HPR: variants seen among roughly 807,000 people sequenced by gnomAD.
The protein encoded by HPR is haptoglobin-related protein.
In HPR, 17 loss-of-function variants were observed where a neutral mutation model predicts 18.5. The ratio of observed to expected loss-of-function variants is 0.92; its 90% CI spans 0.63 to 1.38. The LOEUF (loss-of-function observed/expected upper bound fraction) is 1.38, where lower values mean the gene tolerates loss of function less well. HPR is among the 40% of genes most tolerant of loss of function. The probability of loss-of-function intolerance (pLI) is 0.00; values close to 1 mark genes in which losing one functional copy is unlikely to be tolerated. For missense variants in HPR, 457 were observed against 432.4 expected, an observed-to-expected ratio of 1.06 and a Z score of -0.51; for synonymous variants, 176 against 165.0, an observed-to-expected ratio of 1.07 and a Z score of -0.51.
chr16:72,076,298 G>C lies in HPR; in HGVS notation c.269-5G>C, dbSNP rs1188827070. On this transcript the variant is annotated splice_region_variant and splice_polypyrimidine_tract_variant and intron_variant, in intron 4 of 4. Transcript: ENST00000540303. ...CACTCACGAGTGTCTTGCTCTCCTT[G>C]ACAGTATGTGGGAAGCCCAAGAATC... 9.3e-6 allele frequency: 15 copies of C among 1,612,406 alleles called. No homozygotes were observed. The highest frequency in any genetic ancestry group is 1.3e-5 in the African/African-American group (1 of 75,022).
In HPR at chr16:72,077,063, G is replaced by C; in HGVS notation, c.1029G>C (p.Lys343Asn). The C allele has an allele frequency of 6.2e-7, 1 of 1,612,268 alleles. No homozygotes were observed. The highest frequency in any genetic ancestry group is 2.2e-5 in the East Asian group (1 of 44,814). ...CTTCCATCCAGCACTGGGTTCAGAA[G>C]ACCATAGCTGAGAACTAATGCAAGG... ...KVTSIQHWVQ[K>N]TIAEN The change falls in exon 5 of 5, where the codon AAG becomes AAC. Residue 343 changes from lysine (K) to asparagine (N), a missense_variant. Coordinates refer to ENST00000540303, the MANE Select transcript of HPR (RefSeq NM_020995.4).
chr16:72,063,576 T>C lies in HPR; in HGVS notation c.5+316T>C, dbSNP rs185094388. ...TTCGGAATATATTTACTAGCAGATA[T>C]TTTCCTCTTTAAAAATGTATAATAA... On this transcript the variant is annotated intron_variant, in intron 1 of 4. Transcript: ENST00000540303. Among the ~76,000 whole-genome samples the C allele has an allele frequency of 3.3e-3, 500 of 152,252 alleles. 2 individuals carry two copies. Among genetic ancestry groups the C allele is most frequent in the Non-Finnish European group, 6.0e-3 (410 of 68,034 alleles).
At chr16:72,075,585 G>A (rs187851439) in intron 4 of HPR, among the ~76,000 whole-genome samples, 2 of 152,328 alleles carry the variant, frequency 1.3e-5, no homozygotes, top group East Asian at 3.9e-4. Context: ...AGCCTAGCAG[G>A]AGGCTGGACA....
chr16:72,074,447 T>C, intron 3 of HPR, 62 bp downstream of exon 3: 1 of 1,367,116 alleles, frequency 7.3e-7, no homozygotes, highest in Non-Finnish European at 1.0e-6. Flanking sequence ...ATTTCCATGA[T>C]GGGTGGTGCT....
At chr16:72,067,512 G>A (rs1283277515) in intron 1 of HPR, among the ~76,000 whole-genome samples, 1 of 152,138 alleles carries the variant, frequency 6.6e-6, no homozygotes, top group Admixed American at 6.6e-5. Context: ...TCAGCCCAAA[G>A]GGATTCCTTA....
chr16:72,075,988 A>G (rs987196626), intron 4 of HPR, among the ~76,000 whole-genome samples: 8 of 152,026 alleles, frequency 5.3e-5, no homozygotes, highest in South Asian at 2.1e-4. Flanking sequence ...AGCCCTTTCA[A>G]TGAATTTCAG....
chr16:72,074,517 A>G, intron 3 of HPR, 132 bp downstream of exon 3: 4 of 865,198 alleles, frequency 4.6e-6, no homozygotes. Context: ...AGATTCTGAT[A>G]AGCGTTTTGT....
At chr16:72,072,197 A>T (rs1026717551) in intron 1 of HPR, among the ~76,000 whole-genome samples, 1 of 152,038 alleles carries the variant, frequency 6.6e-6, no homozygotes, top group African/African-American at 2.4e-5. Context: ...TAGTAGAGAC[A>T]GGGTTTCTCC....
At chr16:72,072,537 G>C (rs2041668576) in intron 1 of HPR, among the ~76,000 whole-genome samples, 1 of 152,124 alleles carries the variant, frequency 6.6e-6, no homozygotes, top group Admixed American at 6.5e-5. Context: ...TATCAAATGA[G>C]CTAGCCAAAA....
At chr16:72,066,676 G>A (rs2041601608) in intron 1 of HPR, among the ~76,000 whole-genome samples, 1 of 152,102 alleles carries the variant, frequency 6.6e-6, no homozygotes, top group Non-Finnish European at 1.5e-5. Flanking sequence ...AGATCCCCTT[G>A]GGCAAAGGAT....
At chr16:72,064,069 G>T (rs1408407656) in intron 1 of HPR, among the ~76,000 whole-genome samples, 2 of 152,130 alleles carry the variant, frequency 1.3e-5, no homozygotes, top group South Asian at 2.1e-4. Context: ...AGCAAATAGT[G>T]CCTGAATGGT....
At chr16:72,075,295 A>G (rs543322572) in intron 4 of HPR, 76 bp downstream of exon 4, 1 of 739,226 alleles carries the variant, frequency 1.4e-6, no homozygotes. Flanking sequence ...ACAGCCTTCC[A>G]GTGCGGCTTC....
At chr16:72,064,094 G>A (rs1287759129) in intron 1 of HPR, among the ~76,000 whole-genome samples, 9 of 152,102 alleles carry the variant, frequency 5.9e-5, no homozygotes, top group Non-Finnish European at 2.9e-5. Context: ...GTCTGTTAGC[G>A]AGATGGTGAA....
At position 72,063,266 on chromosome 16, in the gene HPR, T is replaced by G; in HGVS notation, c.5+6T>G. 1 of 1,591,500 alleles carries G rather than the reference T, an allele frequency of 6.3e-7. No homozygotes were observed. Among genetic ancestry groups the G allele is most frequent in the Non-Finnish European group, 8.6e-7 (1 of 1,167,142 alleles). ...GCAAGACCAACCAAGATGAGGTGGGTCCACAGCTTTCCCTCCTGCCTTTCC... is the reference window on the plus strand; with the variant it reads ...GCAAGACCAACCAAGATGAGGTGGGGCCACAGCTTTCCCTCCTGCCTTTCC... On this transcript the variant is annotated splice_donor_region_variant and intron_variant, in intron 1 of 4. Coordinates refer to ENST00000540303, the MANE Select transcript of HPR (RefSeq NM_020995.4).
At chr16:72,069,771 A>C (rs1461360095) in intron 1 of HPR, among the ~76,000 whole-genome samples, 3 of 152,224 alleles carry the variant, frequency 2.0e-5, no homozygotes, top group Non-Finnish European at 2.9e-5. Context: ...ATTCAGGGCT[A>C]AGACCATTTC....
chr16:72,076,766 T>C lies in HPR; in HGVS notation c.732T>C (p.Pro244=). 6.2e-7 allele frequency: 1 copy of C among 1,614,226 alleles called. No individual in the cohort carries two copies. Among genetic ancestry groups the C allele is most frequent in the South Asian group, 1.1e-5 (1 of 91,082 alleles). The part of the protein sequence containing the change: ...LTDHLKYVML[P]VADQYDCITH... ...ACCATCTGAAGTATGTCATGCTGCC[T>C]GTGGCTGACCAATACGATTGCATAA... The change falls in exon 5 of 5, where the codon CCT becomes CCC. Residue 244 remains proline, a synonymous_variant. Transcript: ENST00000540303.
chr16:72,068,541 T>C (rs543905224), intron 1 of HPR, among the ~76,000 whole-genome samples: 2 of 152,178 alleles, frequency 1.3e-5, no homozygotes, highest in African/African-American at 2.4e-5. Flanking sequence ...TTATAACTGC[T>C]CTTGCCCTAG....
rs2041740991 is a variant in HPR, at chr16:72,077,040, T to C, written c.1006T>C (p.Ser336Pro). The C allele has an allele frequency of 6.2e-7, 1 of 1,613,756 alleles. No individual in the cohort carries two copies. The highest frequency in any genetic ancestry group is 1.7e-5 in the Admixed American group (1 of 59,992). The change falls in exon 5 of 5, where the codon TCC becomes CCC. Residue 336 changes from serine to proline, a missense_variant. By Grantham distance (74) the Ser-to-Pro change is moderately conservative (BLOSUM62 -1). Coordinates refer to ENST00000540303, the MANE Select transcript of HPR (RefSeq NM_020995.4). ...GTATGGTGTGTATGTGAAGGTGACT[T>C]CCATCCAGCACTGGGTTCAGAAGAC... ...AEYGVYVKVTSIQHWVQKTIA... is the reference protein window; with the variant it reads ...AEYGVYVKVTPIQHWVQKTIA...
At chr16:72,067,280 C>G (rs1319706619) in intron 1 of HPR, among the ~76,000 whole-genome samples, 1 of 152,148 alleles carries the variant, frequency 6.6e-6, no homozygotes, top group African/African-American at 2.4e-5. Flanking sequence ...TCAGGAGCGG[C>G]CTGTTCCTCT....
Sources: gnomAD v4.1 joint callset for allele counts (sites outside exome capture counted in the v4.1 genomes callset) on GRCh38, gnomAD v4.1.1 for gene constraint, MANE v1.5 for transcripts, NCBI Gene and HGNC (gene_info 2026-07-23, HGNC 2026-07-21) for gene names.